AFAP1: variants seen among roughly 807,000 people sequenced by gnomAD.
AFAP1 encodes the protein actin filament-associated protein 1.
Under a neutral mutation model 93.9 loss-of-function variants are expected in AFAP1, and 75 were observed. That is an observed-to-expected ratio of 0.80 (90% CI 0.66 to 0.97). The LOEUF is 0.97. AFAP1 is among the 50% of genes least tolerant of loss of function. The pLI, the probability that AFAP1 is intolerant of heterozygous loss-of-function variation, is 0.00. For missense variants in AFAP1, 1,201 were observed against 1,050.8 expected (o/e 1.14, Z -1.98); for synonymous variants, 517 against 430.7 (o/e 1.20, Z -2.48).
chr4:7,801,581 C>T (rs1719033435), intron 9 of AFAP1, among the ~76,000 whole-genome samples: 3 of 152,084 alleles, frequency 2.0e-5, no homozygotes, highest in African/African-American at 4.8e-5. Context: ...TAGTAAATTA[C>T]TGCCCCCTTC....
intron 1 of AFAP1, among the ~76,000 whole-genome samples, chr4:7,883,182 T>C (rs894723534): frequency 1.2e-5 from 1 of 84,778 alleles, no homozygotes; most frequent in African/African-American, 5.0e-5. Context: ...TGAAACCCTA[T>C]CTCAAAAAAA....
intron 6 of AFAP1, among the ~76,000 whole-genome samples, chr4:7,832,150 G>T (rs916862878): frequency 1.3e-5 from 2 of 152,140 alleles, no homozygotes; most frequent in African/African-American, 4.8e-5. Flanking sequence ...TAGTGAAATT[G>T]GTAATGGTGG....
chr4:7,840,438 T>A (rs527603441), intron 5 of AFAP1, among the ~76,000 whole-genome samples: 1 of 151,178 alleles, frequency 6.6e-6, no homozygotes, highest in East Asian at 1.9e-4. Context: ...CTCAGCCTCC[T>A]GAGTAACTGG....
chr4:7,809,375 A>ATT, intron 9 of AFAP1: 8 of 318,998 alleles, frequency 2.5e-5, no homozygotes, highest in Non-Finnish European at 2.7e-5. Flanking sequence ...TTAAAGGGAA[A>ATT]TTTTTTTTTT....
At chr4:7,800,055 G>A (rs941843002) in intron 10 of AFAP1, among the ~76,000 whole-genome samples, 4 of 152,180 alleles carry the variant, frequency 2.6e-5, no homozygotes, top group African/African-American at 7.2e-5. Context: ...AGCTCCTGGG[G>A]GAAAGAGCTT....
At chr4:7,853,924 G>C (rs1246378834) in intron 4 of AFAP1, among the ~76,000 whole-genome samples, 4 of 152,104 alleles carry the variant, frequency 2.6e-5, no homozygotes, top group Middle Eastern at 3.2e-3. Flanking sequence ...TCTTCTTCTG[G>C]AGTCAGCGGC....
rs771188767 is a variant in AFAP1 at position 7,838,715 on chromosome 4, A to G, written c.547-12T>C. ...GAACTTTTATAGCACTGCATTCAACACAACAAATCAACTGATATTATAAGG... is the reference window on the plus strand; with the variant it reads ...GAACTTTTATAGCACTGCATTCAACGCAACAAATCAACTGATATTATAAGG... On this transcript the variant is annotated splice_polypyrimidine_tract_variant and intron_variant, in intron 5 of 17. Transcript: ENST00000420658. The G allele has an allele frequency of 1.2e-6, 2 of 1,612,594 alleles. No homozygotes were observed. The highest frequency in any genetic ancestry group is 1.7e-6 in the Non-Finnish European group (2 of 1,179,036).
At chr4:7,823,953 T>C (rs1560181734) in intron 6 of AFAP1, among the ~76,000 whole-genome samples, 1 of 152,248 alleles carries the variant, frequency 6.6e-6, no homozygotes, top group Non-Finnish European at 1.5e-5. Flanking sequence ...AAGGCATTGC[T>C]AAAAACATGC....
chr4:7,882,298 C>T (rs1372158923), intron 1 of AFAP1, among the ~76,000 whole-genome samples: 1 of 152,120 alleles, frequency 6.6e-6, no homozygotes, highest in East Asian at 1.9e-4. Flanking sequence ...AAACACCAGA[C>T]CCAGGTAGTT....
Position 7,914,117 on chromosome 4 carries a change from C to T in AFAP1, c.-3+25539G>A, listed in dbSNP as rs564464829. On this transcript the variant is annotated intron_variant, in intron 1 of 17. Transcript: ENST00000420658. ...TCGCCCAGGCTGGAGTGCAGTGGCG[C>T]GATCTCAGCTCACCGCAACCTCTGC... is the stretch of plus-strand genomic sequence containing the variant. Among the ~76,000 whole-genome samples the T allele has an allele frequency of 1.4e-3, 215 of 151,758 alleles. 1 individual carries two copies. Among genetic ancestry groups the T allele is most frequent in the African/African-American group, 4.5e-3 (185 of 41,304 alleles).
At chr4:7,820,091 G>A (rs1482345094) in intron 6 of AFAP1, among the ~76,000 whole-genome samples, 1 of 152,202 alleles carries the variant, frequency 6.6e-6, no homozygotes, top group Non-Finnish European at 1.5e-5. Flanking sequence ...TGCTGTAGCA[G>A]TGCAGGTGGC....
intron 3 of AFAP1, among the ~76,000 whole-genome samples, chr4:7,858,264 G>A (rs1577304086): frequency 6.6e-6 from 1 of 152,144 alleles, no homozygotes. Context: ...TGTTCATAGC[G>A]GTTGTCTCTT....
chr4:7,813,332 C>T (rs1179436669), intron 8 of AFAP1, among the ~76,000 whole-genome samples: 2 of 152,204 alleles, frequency 1.3e-5, no homozygotes, highest in Admixed American at 1.3e-4. Context: ...AACTAACGAG[C>T]GTCTGCTACA....
At chr4:7,878,077 G>C (rs1289750512) in intron 1 of AFAP1, among the ~76,000 whole-genome samples, 2 of 152,212 alleles carry the variant, frequency 1.3e-5, no homozygotes, top group African/African-American at 4.8e-5. Context: ...GCCAAAGCAA[G>C]AAGGGAAGAA....
chr4:7,821,475 TCAC>T (rs1438234035), intron 6 of AFAP1, among the ~76,000 whole-genome samples: 2 of 152,148 alleles, frequency 1.3e-5, no homozygotes, highest in Non-Finnish European at 2.9e-5. Context: ...CTACATGCAG[TCAC>T]CACATGTTTC....
chr4:7,790,299 T>C (rs942663607), intron 11 of AFAP1, among the ~76,000 whole-genome samples: 1 of 152,242 alleles, frequency 6.6e-6, no homozygotes, highest in Non-Finnish European at 1.5e-5. Flanking sequence ...TTTAACGAGG[T>C]AGAAAAGATT....
intron 15 of AFAP1, 140 bp from the exon 16 acceptor site, chr4:7,773,150 T>C: frequency 9.0e-6 from 12 of 1,335,960 alleles, no homozygotes; most frequent in Non-Finnish European, 1.1e-5. Flanking sequence ...GTTGTGAAAC[T>C]TAAATTCAGC....
intron 1 of AFAP1, among the ~76,000 whole-genome samples, chr4:7,884,699 A>C (rs1033640110): frequency 6.6e-6 from 1 of 152,160 alleles, no homozygotes; most frequent in East Asian, 1.9e-4. Flanking sequence ...ATACTTGAAA[A>C]CCCAAACAGA....
chr4:7,814,926 G>GA (rs1720343206), intron 8 of AFAP1, among the ~76,000 whole-genome samples: 1 of 152,228 alleles, frequency 6.6e-6, no homozygotes, highest in African/African-American at 2.4e-5. Flanking sequence ...AAGCTGGCCT[G>GA]AAAAAGTAAG....
Sources: allele counts gnomAD v4.1 joint callset (sites outside exome capture counted in the v4.1 genomes callset), GRCh38; gene constraint gnomAD v4.1.1; transcripts MANE v1.5; gene names NCBI Gene and HGNC (gene_info 2026-07-23, HGNC 2026-07-21).